The following PGM3 variants were observed in gnomAD, a reference collection of about 807,000 sequenced individuals.
PGM3 encodes phosphoglucomutase 3, also known as phosphoacetylglucosamine mutase.
In PGM3, 40 loss-of-function variants were observed where a neutral mutation model predicts 66.2. The ratio of observed to expected loss-of-function variants is 0.60; its 90% CI spans 0.47 to 0.79. The LOEUF is 0.79. Among genes scored for constraint, PGM3 ranks in the 30% least tolerant of loss-of-function variants. The pLI, the probability that PGM3 is intolerant of heterozygous loss-of-function variation, is 0.00. For missense variants in PGM3, 537 were observed against 643.4 expected (o/e 0.83, Z 1.79); for synonymous variants, 191 against 224.2 (o/e 0.85, Z 1.32).
chr6:83,180,845 T>G (rs917471022), intron 6 of PGM3, among the ~76,000 whole-genome samples: 1 of 152,228 alleles, frequency 6.6e-6, no homozygotes, highest in Non-Finnish European at 1.5e-5. Flanking sequence ...ATAACATGAA[T>G]GAATGAGGCA....
downstream of PGM3, chr6:83,160,111 C>G (rs1783877568): frequency 2.6e-6 from 2 of 769,510 alleles, no homozygotes; most frequent in Non-Finnish European, 2.0e-6. Flanking sequence ...GCAGAGTTAT[C>G]GGAAGTAAAT....
the PGM3 span, chr6:83,153,650 A>C: frequency 6.7e-7 from 1 of 1,494,514 alleles, no homozygotes; most frequent in South Asian, 1.3e-5. Context: ...AGTTTTTAAA[A>C]TTAATTCATA....
At chr6:83,175,706 A>G (rs906316479) in intron 9 of PGM3, among the ~76,000 whole-genome samples, 1 of 152,208 alleles carries the variant, frequency 6.6e-6, no homozygotes, top group Non-Finnish European at 1.5e-5. Flanking sequence ...CTTATAAAAA[A>G]ATTAAGAACT....
chr6:83,152,314 G>T, the PGM3 span: 3 of 1,568,756 alleles, frequency 1.9e-6, no homozygotes, highest in Middle Eastern at 1.7e-4. Context: ...AATGGAAACC[G>T]CAAACATAAC....
chr6:83,176,313 G>A (rs537244626), intron 8 of PGM3, among the ~76,000 whole-genome samples: 1 of 152,310 alleles, frequency 6.6e-6, no homozygotes. Flanking sequence ...GATTACAAGT[G>A]GGGGCGTGAC....
At position 83,168,183 on chromosome 6, in the gene PGM3, C is replaced by T; in HGVS notation, c.*1051G>A. On this transcript the variant is annotated 3_prime_UTR_variant, in exon 13 of 13. Coordinates refer to ENST00000513973, the MANE Select transcript of PGM3 (RefSeq NM_015599.3). ...AAAAACTTGAGCACCATTGCTGGTT[C>T]CATTTAGCTTACATGTAAATGTAAT... 1.9e-6 allele frequency: 3 copies of T among 1,601,442 alleles called. No individual in the cohort carries two copies. The highest frequency in any genetic ancestry group is 1.7e-6 in the Non-Finnish European group (2 of 1,175,042).
chr6:83,178,208 C>T (rs1787918791), intron 8 of PGM3, among the ~76,000 whole-genome samples: 2 of 152,158 alleles, frequency 1.3e-5, no homozygotes, highest in Non-Finnish European at 2.9e-5. Flanking sequence ...TGTTAACTGC[C>T]CTTCTCTAAA....
chr6:83,172,375 T>C (rs1787298967), intron 10 of PGM3, among the ~76,000 whole-genome samples: 2 of 152,146 alleles, frequency 1.3e-5, no homozygotes, highest in South Asian at 2.1e-4. Context: ...GAACAGCCAA[T>C]GCACTCCAGC....
At chr6:83,170,074 G>A (rs1483644007) in intron 12 of PGM3, among the ~76,000 whole-genome samples, 2 of 152,170 alleles carry the variant, frequency 1.3e-5, no homozygotes, top group African/African-American at 4.8e-5. Flanking sequence ...ACACTTTCAG[G>A]AAGTCTAGAA....
intron 4 of PGM3, among the ~76,000 whole-genome samples, chr6:83,186,398 CG>C (rs1788582548): frequency 6.6e-6 from 1 of 152,090 alleles, no homozygotes; most frequent in Non-Finnish European, 1.5e-5. Flanking sequence ...GGAACACAGT[CG>C]GAACTCGAGA....
At chr6:83,192,144 T>C (rs1191395214) in intron 1 of PGM3, among the ~76,000 whole-genome samples, 1 of 151,022 alleles carries the variant, frequency 6.6e-6, no homozygotes, top group East Asian at 2.0e-4. Context: ...TGCGCGCCTG[T>C]AGTCCCAGCT....
At chr6:83,151,635 TAAA>T in the PGM3 span, 2 of 1,609,084 alleles carry the variant, frequency 1.2e-6, no homozygotes, top group Admixed American at 1.7e-5. Context: ...GTTTGGAAAA[TAAA>T]AAAGACCAAA....
Position 83,170,470 on chromosome 6 carries a change from G to A in PGM3, c.1374C>T (p.Asp458=), listed in dbSNP as rs1470827052. The stretch of plus-strand genomic sequence containing the variant: ...CATCGGTAGTGCTAATAACTCTCCT[G>A]TCTGCAACCTAAGTGCAAGCATTTC... The part of the protein sequence containing the change: ...PNRQLKVQVA[D]RRVISTTDAE... The change falls in exon 12 of 13, where the codon GAC becomes GAT. Residue 458 remains aspartate (D), a synonymous_variant. Coordinates refer to ENST00000513973, the MANE Select transcript of PGM3 (RefSeq NM_015599.3). The A allele has an allele frequency of 2.5e-6, 4 of 1,613,572 alleles. No individual in the cohort carries two copies. The highest frequency in any genetic ancestry group is 3.4e-6 in the Non-Finnish European group (4 of 1,179,600).
Position 83,166,114 on chromosome 6 carries a change from A to G in PGM3, c.*3120T>C. 1 of 427,502 alleles carries G rather than the reference A, an allele frequency of 2.3e-6. No individual in the cohort carries two copies. The highest frequency in any genetic ancestry group is 3.7e-5 in the East Asian group (1 of 27,202). 26.5% of individuals were successfully genotyped at this position (427,502 alleles called of 1,614,324 possible). A position where few individuals can be genotyped will look rare whatever the true frequency, so the allele number is the denominator to read the frequency against. Reference sequence around the variant, plus strand: ...AAATGATTCATTATTGTTGCATAGAATAGAGAAAATGACACTTCAAAACAA... The same window carrying G: ...AAATGATTCATTATTGTTGCATAGAGTAGAGAAAATGACACTTCAAAACAA... On this transcript the variant is annotated 3_prime_UTR_variant, in exon 13 of 13. Transcript: ENST00000513973.
chr6:83,156,670 A>G (rs1237468984), downstream of PGM3, among the ~76,000 whole-genome samples: 3 of 152,236 alleles, frequency 2.0e-5, no homozygotes, highest in Admixed American at 1.3e-4. Context: ...TCGAGTCAGC[A>G]TACTCTAAAG....
chr6:83,148,725 T>C, the PGM3 span: 2 of 1,379,370 alleles, frequency 1.4e-6, no homozygotes, highest in Non-Finnish European at 2.0e-6. Context: ...CCATAGTTTA[T>C]TGTGGCTTTT....
chr6:83,167,748 A>G lies in PGM3; in HGVS notation c.*1486T>C, dbSNP rs1786137658. 3.4e-5 allele frequency: 49 copies of G among 1,449,054 alleles called. No individual in the cohort carries two copies. Among genetic ancestry groups the G allele is most frequent in the Non-Finnish European group, 4.1e-5 (45 of 1,102,074 alleles). 89.8% of individuals were successfully genotyped at this position (1,449,054 alleles called of 1,614,324 possible). ...TGATCAGGTCAGGAGTTAGAAACTTAATGTCATTTGTATTCATTTCTTGAC... is the reference window on the plus strand; with the variant it reads ...TGATCAGGTCAGGAGTTAGAAACTTGATGTCATTTGTATTCATTTCTTGAC... On this transcript the variant is annotated 3_prime_UTR_variant, in exon 13 of 13. Coordinates refer to ENST00000513973, the MANE Select transcript of PGM3 (RefSeq NM_015599.3).
the PGM3 span, among the ~76,000 whole-genome samples, chr6:83,149,610 A>C: frequency 6.6e-6 from 1 of 152,132 alleles, no homozygotes; most frequent in South Asian, 2.1e-4. Context: ...TGGTCTTGAA[A>C]GGGAGTGGGA....
chr6:83,189,543 G>A (rs1314816779), intron 2 of PGM3, among the ~76,000 whole-genome samples: 1 of 152,230 alleles, frequency 6.6e-6, no homozygotes, highest in African/African-American at 2.4e-5. Context: ...CAATGCCCTT[G>A]TTTGGGGGAA....
Sources: allele counts gnomAD v4.1 joint callset (sites outside exome capture counted in the v4.1 genomes callset), GRCh38; gene constraint gnomAD v4.1.1; transcripts MANE v1.5; gene names NCBI Gene and HGNC (gene_info 2026-07-23, HGNC 2026-07-21).